Variants in TBC1D2 observed in about 807,000 individuals in gnomAD.
TBC1D2 encodes the protein TBC1 domain family member 2A.
Under a neutral mutation model 91.1 loss-of-function variants are expected in TBC1D2, and 58 were observed. The observed-to-expected ratio is 0.64, with a 90% CI of 0.52 to 0.79. The LOEUF (loss-of-function observed/expected upper bound fraction) is 0.79, where lower values mean the gene tolerates loss of function less well. Among genes scored for constraint, TBC1D2 ranks in the 30% least tolerant of loss-of-function variants. The pLI is 0.00. For synonymous variants in TBC1D2, 482 were observed against 511.5 expected (o/e 0.94, Z 0.78); for missense variants, 1,080 against 1,208.3 (o/e 0.89, Z 1.57).
At position 98,209,159 on chromosome 9, in the gene TBC1D2, G is replaced by T; in HGVS notation, c.1674-15C>A. On this transcript the variant is annotated splice_polypyrimidine_tract_variant and intron_variant, in intron 8 of 12. Coordinates refer to ENST00000465784, the MANE Select transcript of TBC1D2 (RefSeq NM_001267571.2). Reference sequence around the variant, plus strand: ...CATCATACTTACTGCCAGCAAAAGTGCACGTTAGCAACACCTTGCAGAGCC... The same window carrying T: ...CATCATACTTACTGCCAGCAAAAGTTCACGTTAGCAACACCTTGCAGAGCC... The T allele has an allele frequency of 1.9e-6, 3 of 1,601,290 alleles. No homozygotes were observed. Among genetic ancestry groups the T allele is most frequent in the Non-Finnish European group, 2.6e-6 (3 of 1,169,798 alleles).
chr9:98,200,280 A>C lies in TBC1D2; in HGVS notation c.2552T>G (p.Phe851Cys). The C allele has an allele frequency of 6.2e-7, 1 of 1,613,828 alleles. No individual in the cohort carries two copies. The highest frequency in any genetic ancestry group is 1.1e-5 in the South Asian group (1 of 91,034). ...NGLEIYQYLR[F>C]FTKTISNSRK... ...GCTGTTGGAGATGGTCTTGGTGAAG[A>C]AGCGCAGGTACTGGTAGATTTCCAG... is the stretch of plus-strand genomic sequence containing the variant. Residue 851 changes from phenylalanine to cysteine, a missense_variant, in exon 12 of 13, where the codon TTC becomes TGC. Coordinates refer to ENST00000465784, the MANE Select transcript of TBC1D2 (RefSeq NM_001267571.2).
intron 9 of TBC1D2, among the ~76,000 whole-genome samples, chr9:98,204,054 G>A (rs1029219250): frequency 5.9e-5 from 9 of 152,216 alleles, no homozygotes; most frequent in Middle Eastern, 3.4e-3. Context: ...GTTAGCATAA[G>A]GCTCTAATGA....
chr9:98,246,905 A>C (rs1246287999), intron 2 of TBC1D2, among the ~76,000 whole-genome samples: 1 of 152,104 alleles, frequency 6.6e-6, no homozygotes, highest in East Asian at 1.9e-4. Flanking sequence ...ATCACGATGG[A>C]AACCAGAGCT....
rs1828888711 is a variant in TBC1D2, at chr9:98,213,088, A to G, written c.1485+20T>C. 1 of 1,613,440 alleles carries G rather than the reference A, an allele frequency of 6.2e-7. No homozygotes were observed. Among genetic ancestry groups the G allele is most frequent in the Non-Finnish European group, 8.5e-7 (1 of 1,179,880 alleles). ...AGGGGCCAGGGATGGAGACGGCTGG[A>G]ATAGGGCCCCACCCCGCACCTTCGT... On this transcript the variant is annotated intron_variant, in intron 7 of 12. Transcript: ENST00000465784.
At chr9:98,206,958 G>A (rs1828671475) in intron 9 of TBC1D2, among the ~76,000 whole-genome samples, 2 of 152,228 alleles carry the variant, frequency 1.3e-5, no homozygotes, top group South Asian at 4.1e-4. Context: ...AGGCTTTGCA[G>A]GTTTTGTTTC....
chr9:98,251,057 C>T (rs865880671), intron 2 of TBC1D2, among the ~76,000 whole-genome samples: 2 of 152,018 alleles, frequency 1.3e-5, no homozygotes, highest in African/African-American at 2.4e-5. Flanking sequence ...GAGGCTGAGG[C>T]GGGTAGATCA....
Position 98,255,327 on chromosome 9 carries a change from T to C in TBC1D2, c.215A>G (p.Asp72Gly). 6.2e-7 allele frequency: 1 copy of C among 1,614,244 alleles called. No individual in the cohort carries two copies. The change falls in exon 1 of 13, where the codon GAC (aspartate) becomes GGC (glycine). Residue 72 changes from aspartate to glycine, a missense_variant. Transcript: ENST00000465784. Reference protein sequence around the residue: ...RGWKSRWFFYDERKCQLYYSR... With the variant: ...RGWKSRWFFYGERKCQLYYSR... ...GTAATACAGCTGACATTTCCTTTCG[T>C]CGTAGAAGAACCAGCGGGATTTCCA...
In TBC1D2 at chr9:98,220,886, C is replaced by T. The variant is rs967200270; in HGVS notation, c.1321G>A (p.Asp441Asn). Residue 441 changes from aspartate to asparagine, a missense_variant, in exon 6 of 13, where the codon GAC (aspartate) becomes AAC (asparagine). Physicochemically the swap from Asp to Asn is conservative, Grantham distance 23 (BLOSUM62 1). Transcript: ENST00000465784. ...CTCAGGAAGTCCCTGTTGGCAGCGT[C>T]GGGGCGCAAAGGAGACTGGTCAGGG... ...HPPDQSPLRP[D>N]AANRDFLSQQ... The T allele has an allele frequency of 1.9e-6, 3 of 1,614,014 alleles. No individual in the cohort carries two copies. The highest frequency in any genetic ancestry group is 4.5e-5 in the East Asian group (2 of 44,874).
At chr9:98,220,561 A>G (rs1293710059) in intron 6 of TBC1D2, among the ~76,000 whole-genome samples, 1 of 152,110 alleles carries the variant, frequency 6.6e-6, no homozygotes, top group Non-Finnish European at 1.5e-5. Context: ...GATAATCTAG[A>G]GGCACCTTCA....
chr9:98,251,227 GTTGCAGTGAGCCGAGA>G (rs1413232816), intron 2 of TBC1D2, among the ~76,000 whole-genome samples: 2 of 151,950 alleles, frequency 1.3e-5, no homozygotes, highest in African/African-American at 4.8e-5. Context: ...GGAGGCGGAA[GTTGCAGTGAGCCGAGA>G]TTGCACCATT....
intron 3 of TBC1D2, among the ~76,000 whole-genome samples, chr9:98,243,571 T>C (rs111509656): frequency 0.015 from 1,768 of 118,330 alleles, 14 homozygotes; most frequent in Middle Eastern, 0.036. Context: ...AGTCTCACTC[T>C]TGTCGCCCAG....
chr9:98,230,848 T>G (rs1389282726), intron 4 of TBC1D2, among the ~76,000 whole-genome samples: 1 of 152,172 alleles, frequency 6.6e-6, no homozygotes, highest in Non-Finnish European at 1.5e-5. Context: ...GCCAGTGCGC[T>G]TTAGCCTGGG....
intron 6 of TBC1D2, among the ~76,000 whole-genome samples, chr9:98,215,569 G>T (rs559345850): frequency 6.6e-6 from 1 of 152,126 alleles, no homozygotes; most frequent in Non-Finnish European, 1.5e-5. Flanking sequence ...GTACAGTGGC[G>T]TGATCATAGC....
intron 5 of TBC1D2, among the ~76,000 whole-genome samples, chr9:98,227,666 C>T (rs796420908): frequency 3.9e-4 from 59 of 151,980 alleles, no homozygotes; most frequent in African/African-American, 1.3e-3. Flanking sequence ...CTTGTAATCC[C>T]AGCTACTTGG....
chr9:98,212,088 C>A (rs149212649), intron 7 of TBC1D2, among the ~76,000 whole-genome samples: 1 of 152,184 alleles, frequency 6.6e-6, no homozygotes, highest in Non-Finnish European at 1.5e-5. Context: ...TGTGCCACCG[C>A]ACCTGGCCCC....
chr9:98,221,107 C>T lies in TBC1D2; in HGVS notation c.1100G>A (p.Arg367Gln), dbSNP rs975116004. Reference protein sequence around the residue: ...DRLELVRHKVRQIAELGRRVE... With the variant: ...DRLELVRHKVQQIAELGRRVE... ...CCGCCGGCCCAGCTCCGCGATCTGC[C>T]GCACTTTGTGCCGCACCAGCTCCAG... The change falls in exon 6 of 13, where the codon CGG becomes CAG. Residue 367 changes from arginine to glutamine, a missense_variant. Physicochemically the swap from Arg to Gln is conservative, Grantham distance 43 (BLOSUM62 1). Transcript: ENST00000465784. The T allele has an allele frequency of 6.9e-6, 11 of 1,602,994 alleles. No homozygotes were observed. The East Asian group carries it at 9.0e-5, about 13-fold the overall frequency.
At position 98,228,335 on chromosome 9, in the gene TBC1D2, TG is replaced by T. The variant is rs1415880086; in HGVS notation, c.978+616del. On this transcript the variant is annotated intron_variant, in intron 5 of 12. Coordinates refer to ENST00000465784, the MANE Select transcript of TBC1D2 (RefSeq NM_001267571.2). This position sits in a 1 kb window ranked among gnomAD's most constrained non-coding sequence, Gnocchi z 4.0. ...CTGGCTTTTAATACCATTTACTCTC[TG>T]GGATGTAGGATTTTGGAGTAGTTTT... Among the ~76,000 whole-genome samples, 1 of 152,238 alleles carries T rather than the reference TG, an allele frequency of 6.6e-6. No homozygotes were observed. The highest frequency in any genetic ancestry group is 1.5e-5 in the Non-Finnish European group (1 of 68,038).
chr9:98,249,592 C>T (rs1042250762), intron 2 of TBC1D2, among the ~76,000 whole-genome samples: 4 of 152,208 alleles, frequency 2.6e-5, no homozygotes, highest in African/African-American at 9.7e-5. Flanking sequence ...GGCTCCCTGG[C>T]AGATGGGGAG....
Position 98,209,020 on chromosome 9 carries a change from G to A in TBC1D2, c.1798C>T (p.Arg600Trp), listed in dbSNP as rs774308095. Residue 600 changes from arginine (R) to tryptophan (W), a missense_variant, in exon 9 of 13, where the codon CGG (arginine) becomes TGG (tryptophan). Physicochemically the swap from Arg to Trp is moderately radical, Grantham distance 101 (BLOSUM62 -3). Transcript: ENST00000465784. ...GCAGCCCAGCGCTCCCTCAGCGGCC[G>A]ATCCACAGCCTCGAGGCCCAGCAGG... ...HHLLGLEAVD[R>W]PLRERWAALG... is the part of the protein sequence containing the mutation. 15 of 1,613,996 alleles carry A rather than the reference G, an allele frequency of 9.3e-6. No homozygotes were observed. Among genetic ancestry groups the A allele is most frequent in the Admixed American group, 6.7e-5 (4 of 59,998 alleles).
Sources: gnomAD v4.1 joint callset for allele counts (sites outside exome capture counted in the v4.1 genomes callset) on GRCh38, gnomAD v4.1.1 for gene constraint, Gnocchi (gnomAD v3.1) non-coding constraint, MANE v1.5 for transcripts, NCBI Gene and HGNC (gene_info 2026-07-23, HGNC 2026-07-21) for gene names.